Variants in TBXAS1 observed in about 807,000 individuals in gnomAD.
TBXAS1 encodes the protein thromboxane-A synthase.
In TBXAS1, 48 loss-of-function variants were observed where a neutral mutation model predicts 60.7. That is an observed-to-expected ratio of 0.79 (90% CI 0.63 to 1.01). The LOEUF (loss-of-function observed/expected upper bound fraction) is 1.01, where lower values mean the gene tolerates loss of function less well. TBXAS1 is among the 50% of genes least tolerant of loss of function. The pLI is 0.00. For missense variants in TBXAS1, 685 were observed against 686.3 expected, an observed-to-expected ratio of 1.00 and a Z score of 0.02; for synonymous variants, 287 against 269.7, an observed-to-expected ratio of 1.06 and a Z score of -0.63.
intron 7 of TBXAS1, 160 bp from the exon 8 acceptor site, chr7:139,957,474 A>G (rs1376530586): frequency 1.2e-6 from 1 of 850,334 alleles, no homozygotes; most frequent in African/African-American, 1.7e-5. Flanking sequence ...AGGGAGTGAG[A>G]CATCACCCCT....
chr7:139,946,621 AAGAAAAG>A (rs1808742578), intron 5 of TBXAS1, among the ~76,000 whole-genome samples: 1 of 152,214 alleles, frequency 6.6e-6, no homozygotes, highest in African/African-American at 2.4e-5. Context: ...CCTGAGGAAC[AAGAAAAG>A]AGAAGAGAAT....
intron 9 of TBXAS1, among the ~76,000 whole-genome samples, chr7:139,964,529 G>A (rs2117396435): frequency 6.6e-6 from 1 of 152,308 alleles, no homozygotes; most frequent in South Asian, 2.1e-4. Context: ...GGGAAGCTTA[G>A]CATGCTGTCC....
chr7:139,838,746 T>C (rs898045828), intron 1 of TBXAS1, among the ~76,000 whole-genome samples: 1 of 152,184 alleles, frequency 6.6e-6, no homozygotes. Flanking sequence ...ACACCATTTT[T>C]CCATGATGAT....
chr7:139,789,046 T>C (rs1797291504), intron 4 of TBXAS1, among the ~76,000 whole-genome samples: 1 of 152,214 alleles, frequency 6.6e-6, no homozygotes, highest in Non-Finnish European at 1.5e-5. Flanking sequence ...CTTTCTCCAA[T>C]TCTGTATGGG....
chr7:139,778,359 T>A (rs1796847888), upstream of TBXAS1: 1 of 152,938 alleles, frequency 6.5e-6, no homozygotes, highest in Non-Finnish European at 1.5e-5. The surrounding 1 kb of genome is among the most constrained non-coding windows in gnomAD (Gnocchi z 4.8). Flanking sequence ...CGCGCGTGTG[T>A]GCCCAGGTGC....
At chr7:139,923,690 C>T (rs1477187468) in intron 4 of TBXAS1, among the ~76,000 whole-genome samples, 2 of 151,938 alleles carry the variant, frequency 1.3e-5, no homozygotes, top group Non-Finnish European at 2.9e-5. Flanking sequence ...TATTTTAAAA[C>T]CTGCAATTAA....
intron 5 of TBXAS1, among the ~76,000 whole-genome samples, chr7:139,945,912 C>T (rs1247975796): frequency 2.6e-5 from 4 of 152,172 alleles, no homozygotes; most frequent in African/African-American, 7.2e-5. Context: ...TTCTAAGCCT[C>T]ATCACACGGT....
chr7:139,919,331 T>A (rs1806264145), intron 4 of TBXAS1, among the ~76,000 whole-genome samples: 1 of 152,230 alleles, frequency 6.6e-6, no homozygotes, highest in African/African-American at 2.4e-5. Flanking sequence ...TTGATATTAA[T>A]ATTTTTGCAG....
At chr7:139,905,049 T>TCTCTCTCTCTCTCTCTCTC (rs1804940397) in intron 3 of TBXAS1, among the ~76,000 whole-genome samples, 5 of 90,164 alleles carry the variant, frequency 5.5e-5, no homozygotes, top group African/African-American at 2.9e-4. Flanking sequence ...CTTTCTTTCT[T>TCTCTCTCTCTCTCTCTCTC]TCTTTCTTTC....
intron 4 of TBXAS1, among the ~76,000 whole-genome samples, chr7:139,914,238 T>A (rs1226786271): frequency 1.3e-5 from 2 of 152,022 alleles, no homozygotes; most frequent in South Asian, 2.1e-4. Context: ...GGTCTTACTA[T>A]GTCGCCAAGG....
intron 4 of TBXAS1, among the ~76,000 whole-genome samples, chr7:139,795,747 A>T (rs181400778): frequency 1.3e-5 from 2 of 151,996 alleles, no homozygotes; most frequent in Admixed American, 6.6e-5. Flanking sequence ...CTCAAAGTAG[A>T]CCTGTTCCTC....
At chr7:139,810,969 T>C (rs1798009729) in intron 4 of TBXAS1, among the ~76,000 whole-genome samples, 1 of 152,268 alleles carries the variant, frequency 6.6e-6, no homozygotes, top group African/African-American at 2.4e-5. Context: ...TATATGTTTC[T>C]GAAAACCTAG....
intron 3 of TBXAS1, among the ~76,000 whole-genome samples, chr7:139,887,212 G>T (rs562022612): frequency 6.6e-6 from 1 of 152,266 alleles, no homozygotes. Flanking sequence ...TTAGATCTAG[G>T]TATTGAGAAT....
At chr7:139,928,216 A>C (rs1017414005) in intron 4 of TBXAS1, among the ~76,000 whole-genome samples, 1 of 152,158 alleles carries the variant, frequency 6.6e-6, no homozygotes. Context: ...AGTTTTTATC[A>C]ATTTTCTTCT....
Position 139,881,310 on chromosome 7 carries a change from T to A in TBXAS1, c.236+5673T>A, listed in dbSNP as rs970484810. 1.6e-4 allele frequency among the ~76,000 whole-genome samples: 24 copies of A among 152,364 alleles called. No individual in the cohort carries two copies. The South Asian group carries it at 2.3e-3, about 14-fold the overall frequency. Reference sequence around the variant, plus strand: ...ATTTTAACAGTGTCTACATTTTGCATCTTACTCAGAAAGGTTTTCTCCACC... The same window carrying A: ...ATTTTAACAGTGTCTACATTTTGCAACTTACTCAGAAAGGTTTTCTCCACC... On this transcript the variant is annotated intron_variant, in intron 3 of 12. Transcript: ENST00000448866.
At position 139,962,309 on chromosome 7, in the gene TBXAS1, T is replaced by C. The variant is rs1810437656; in HGVS notation, c.1134+76T>C. On this transcript the variant is annotated intron_variant, in intron 9 of 12. Transcript: ENST00000448866. ...ATTTTGTGTTTGTGGGAGTGAAACTTATTTTTAATGACTTGCTAATATCAC... is the reference window on the plus strand; with the variant it reads ...ATTTTGTGTTTGTGGGAGTGAAACTCATTTTTAATGACTTGCTAATATCAC... The C allele has an allele frequency of 1.9e-6, 3 of 1,540,418 alleles. No individual in the cohort carries two copies. In the South Asian group the frequency reaches 3.4e-5, roughly 18 times the overall value.
At position 139,927,235 on chromosome 7, in the gene TBXAS1, T is replaced by C. The variant is rs6980064; in HGVS notation, c.334-8956T>C. 3.2e-3 allele frequency among the ~76,000 whole-genome samples: 484 copies of C among 151,796 alleles called. 3 individuals are homozygous for C. The highest frequency in any genetic ancestry group is 0.011 in the African/African-American group (455 of 41,388). On this transcript the variant is annotated intron_variant, in intron 4 of 12. Transcript: ENST00000448866. ...CTGGTCTCAAACTCCTGGCCTCAAG[T>C]GCTCTGCCTGCCTCAGCCAAAGTCC...
intron 9 of TBXAS1, 24 bp from the exon 10 acceptor site, chr7:140,007,067 C>G: frequency 3.1e-6 from 5 of 1,607,716 alleles, no homozygotes; most frequent in Non-Finnish European, 3.4e-6. Flanking sequence ...CGAACTTCTC[C>G]CTTTGTCACG....
intron 4 of TBXAS1, among the ~76,000 whole-genome samples, chr7:139,919,714 G>A (rs146847654): frequency 1.2e-4 from 19 of 152,308 alleles, no homozygotes; most frequent in Non-Finnish European, 2.4e-4. Context: ...GAGAATCACT[G>A]GGCTGGTGCA....
Sources: allele counts gnomAD v4.1 joint callset (sites outside exome capture counted in the v4.1 genomes callset), GRCh38; gene constraint gnomAD v4.1.1; non-coding constraint Gnocchi (gnomAD v3.1); transcripts MANE v1.5; gene names NCBI Gene and HGNC (gene_info 2026-07-23, HGNC 2026-07-21).